The following DCAF6 variants were observed in gnomAD, a reference collection of about 807,000 sequenced individuals.
DCAF6 encodes DDB1- and CUL4-associated factor 6.
A neutral mutation model predicts 125.1 loss-of-function variants in DCAF6; 54 were observed. The ratio of observed to expected loss-of-function variants is 0.43; its 90% CI spans 0.35 to 0.54. DCAF6 has a LOEUF of 0.54. Ranked by LOEUF, DCAF6 falls within the 20% of genes least tolerant of loss-of-function variation. The probability of loss-of-function intolerance (pLI) is 0.01; values close to 1 mark genes in which losing one functional copy is unlikely to be tolerated. For synonymous variants in DCAF6, 371 were observed against 390.4 expected, an observed-to-expected ratio of 0.95 and a Z score of 0.58; for missense variants, 934 against 1,161.7, an observed-to-expected ratio of 0.80 and a Z score of 2.85.
the DCAF6 span, among the ~76,000 whole-genome samples, chr1:167,876,950 TC>T: frequency 5.3e-5 from 8 of 152,102 alleles, no homozygotes; most frequent in Non-Finnish European, 1.2e-4. Context: ...GCCCTAGTTA[TC>T]CCAACTGAGG....
the DCAF6 span, chr1:167,904,966 T>A: frequency 6.2e-7 from 1 of 1,614,208 alleles, no homozygotes; most frequent in South Asian, 1.1e-5. Context: ...CTCATCCACA[T>A]TAAACAAACA....
chr1:167,879,048 C>A, the DCAF6 span, among the ~76,000 whole-genome samples: 3 of 152,218 alleles, frequency 2.0e-5, no homozygotes, highest in Non-Finnish European at 4.4e-5. Context: ...CTGCATGCTC[C>A]TATGAATAAA....
At chr1:167,904,082 C>CTTTT in the DCAF6 span, 130 of 363,524 alleles carry the variant, frequency 3.6e-4, 1 homozygote, top group South Asian at 6.8e-4. Flanking sequence ...CGGGCCTCAG[C>CTTTT]TTTTTTTTTT....
At position 167,936,966 on chromosome 1, in the gene DCAF6, C is replaced by G; in HGVS notation, c.55C>G (p.Leu19Val). 6.2e-7 allele frequency: 1 copy of G among 1,611,276 alleles called. No homozygotes were observed. Among genetic ancestry groups the G allele is most frequent in the South Asian group, 1.1e-5 (1 of 90,430 alleles). Residue 19 changes from leucine (L) to valine (V), a missense_variant, in exon 1 of 22, where the codon CTC (leucine) becomes GTC (valine). Leu to Val is a conservative substitution (Grantham distance 32). Transcript: ENST00000367840. ...HLLWDVRKRSLGLEDPSRLRS... is the reference protein window; with the variant it reads ...HLLWDVRKRSVGLEDPSRLRS... ...GTTGTGGGACGTGAGGAAAAGGTCC[C>G]TCGGGCTGGAGGACCCGTCCCGGCT... is the stretch of plus-strand genomic sequence containing the variant.
intron 2 of DCAF6, among the ~76,000 whole-genome samples, chr1:167,952,183 T>TC (rs1674061683): frequency 6.6e-6 from 1 of 152,002 alleles, no homozygotes; most frequent in South Asian, 2.1e-4. Context: ...CTCTTTTTTT[T>TC]CATACTTTTT....
At chr1:167,955,739 G>A (rs999593110) in intron 2 of DCAF6, among the ~76,000 whole-genome samples, 4 of 152,132 alleles carry the variant, frequency 2.6e-5, no homozygotes, top group Non-Finnish European at 4.4e-5. Flanking sequence ...AATAGAAGGA[G>A]TGGAATCAGG....
the DCAF6 span, among the ~76,000 whole-genome samples, chr1:167,872,211 G>T: frequency 6.6e-6 from 1 of 152,078 alleles, no homozygotes; most frequent in African/African-American, 2.4e-5. Flanking sequence ...GGTGGTGCAT[G>T]CCTGTAATCC....
At chr1:167,954,457 T>A (rs1279627430) in intron 2 of DCAF6, among the ~76,000 whole-genome samples, 2 of 152,044 alleles carry the variant, frequency 1.3e-5, no homozygotes, top group Non-Finnish European at 2.9e-5. Context: ...ATTTTTTTAT[T>A]TTTTTATTTT....
At chr1:167,874,411 AT>A in the DCAF6 span, among the ~76,000 whole-genome samples, 61 of 152,346 alleles carry the variant, frequency 4.0e-4, no homozygotes, top group African/African-American at 1.4e-3. Flanking sequence ...GGAAATACAA[AT>A]GGAAACCATA....
chr1:168,014,029 G>A (rs1684640302), intron 10 of DCAF6, among the ~76,000 whole-genome samples: 1 of 152,092 alleles, frequency 6.6e-6, no homozygotes, highest in Admixed American at 6.6e-5. Flanking sequence ...GTGAGTCACG[G>A]TGCCCTTCCT....
the DCAF6 span, chr1:167,901,519 TC>T: frequency 1.1e-6 from 1 of 877,022 alleles, no homozygotes; most frequent in South Asian, 1.3e-5. Context: ...AAATTCACAT[TC>T]TGATTGTCCT....
At chr1:168,050,806 G>A (rs1366333349) in intron 16 of DCAF6, 86 bp from the exon 17 acceptor site, 1 of 715,482 alleles carries the variant, frequency 1.4e-6, no homozygotes, top group Non-Finnish European at 2.0e-6. Flanking sequence ...GATGATTGAT[G>A]ATAAAAAGGG....
intron 4 of DCAF6, among the ~76,000 whole-genome samples, chr1:167,977,651 T>G (rs1420298698): frequency 6.6e-6 from 1 of 152,132 alleles, no homozygotes; most frequent in East Asian, 1.9e-4. Flanking sequence ...TGTAAGAAAT[T>G]TTCAGTCAGT....
intron 17 of DCAF6, among the ~76,000 whole-genome samples, chr1:168,057,291 C>G (rs953785517): frequency 2.0e-5 from 3 of 152,102 alleles, no homozygotes; most frequent in Non-Finnish European, 2.9e-5. Flanking sequence ...TAGTTTTTTA[C>G]TAAATGTGAC....
chr1:168,016,256 G>A (rs1462652024), intron 11 of DCAF6, among the ~76,000 whole-genome samples: 2 of 152,260 alleles, frequency 1.3e-5, no homozygotes, highest in East Asian at 3.9e-4. Flanking sequence ...TGAATTTAGA[G>A]CCTGCATTGA....
the DCAF6 span, chr1:167,878,744 T>C: frequency 2.8e-6 from 3 of 1,081,470 alleles, no homozygotes; most frequent in Non-Finnish European, 4.1e-6. Context: ...CTCCCTTTGC[T>C]GTTCATGAGT....
At chr1:168,004,299 A>G (rs1683042434) in intron 9 of DCAF6, among the ~76,000 whole-genome samples, 1 of 152,090 alleles carries the variant, frequency 6.6e-6, no homozygotes, top group South Asian at 2.1e-4. Flanking sequence ...TGTATAAACA[A>G]GTTTTATGTA....
chr1:168,011,977 AAAAGAAAG>A (rs143257340), intron 10 of DCAF6, among the ~76,000 whole-genome samples: 20 of 152,060 alleles, frequency 1.3e-4, no homozygotes, highest in Admixed American at 3.3e-4. Flanking sequence ...TGTCTCAGAA[AAAAGAAAG>A]AAAGAAAGAA....
chr1:167,957,131 A>G (rs1335903309), intron 2 of DCAF6, among the ~76,000 whole-genome samples: 1 of 152,094 alleles, frequency 6.6e-6, no homozygotes, highest in Non-Finnish European at 1.5e-5. Context: ...GTGCTCACAT[A>G]CTATAAAACT....
Sources: gnomAD v4.1 joint callset for allele counts (sites outside exome capture counted in the v4.1 genomes callset) on GRCh38, gnomAD v4.1.1 for gene constraint, MANE v1.5 for transcripts, NCBI Gene and HGNC (gene_info 2026-07-23, HGNC 2026-07-21) for gene names.